The following SEMA3D variants were observed in gnomAD, a reference collection of about 807,000 sequenced individuals.
SEMA3D encodes the protein semaphorin 3D, also known as semaphorin-3D.
SEMA3D carries 84 observed loss-of-function variants against 100.1 expected under a neutral mutation model. That is an observed-to-expected ratio of 0.84 (90% CI 0.70 to 1.01). The LOEUF (loss-of-function observed/expected upper bound fraction) is 1.01. SEMA3D is among the 50% of genes least tolerant of loss of function. SEMA3D has a pLI of 0.00. For synonymous variants in SEMA3D, 312 were observed against 320.7 expected (o/e 0.97, Z 0.29); for missense variants, 875 against 934.1 (o/e 0.94, Z 0.82).
chr7:85,227,594 A>G, the SEMA3D span, among the ~76,000 whole-genome samples: 1 of 152,184 alleles, frequency 6.6e-6, no homozygotes, highest in East Asian at 1.9e-4. Context: ...GTATTTTGTT[A>G]TAGCAGCACA....
rs140781160 is a variant in SEMA3D at position 85,009,903 on chromosome 7, C to T, written c.1768+2879G>A. ...GGACGAATATGAAATTCACTGCCCTCTAGAAATTTACATTCTAGTGACATA... is the reference window on the plus strand; with the variant it reads ...GGACGAATATGAAATTCACTGCCCTTTAGAAATTTACATTCTAGTGACATA... On this transcript the variant is annotated intron_variant, in intron 17 of 18. Transcript: ENST00000284136. Among the ~76,000 whole-genome samples the T allele has an allele frequency of 6.6e-3, 999 of 151,450 alleles. 12 individuals are homozygous for T. The highest frequency in any genetic ancestry group is 0.023 in the African/African-American group (949 of 41,328).
chr7:85,211,899 T>G, the SEMA3D span, among the ~76,000 whole-genome samples: 13 of 152,258 alleles, frequency 8.5e-5, no homozygotes, highest in African/African-American at 3.1e-4. Flanking sequence ...ATATAATACA[T>G]AAAACACACA....
chr7:85,206,403 C>T, the SEMA3D span, among the ~76,000 whole-genome samples: 1 of 152,112 alleles, frequency 6.6e-6, no homozygotes, highest in African/African-American at 2.4e-5. Flanking sequence ...AATTTTCTTT[C>T]AGGACAATCC....
At chr7:85,170,590 A>G (rs1291498336) in intron 1 of SEMA3D, among the ~76,000 whole-genome samples, 1 of 152,014 alleles carries the variant, frequency 6.6e-6, no homozygotes, top group African/African-American at 2.4e-5. Context: ...AAAGTCTGAC[A>G]TAATAGTCTA....
At chr7:85,023,266 G>C (rs556547001) in intron 12 of SEMA3D, among the ~76,000 whole-genome samples, 2 of 151,728 alleles carry the variant, frequency 1.3e-5, no homozygotes, top group South Asian at 4.1e-4. Context: ...AGCATGACCT[G>C]CCCCCTGGTG....
rs1789483166 is a variant in SEMA3D at position 85,123,406 on chromosome 7, A to G, written c.-40-1475T>C. 2.0e-5 allele frequency among the ~76,000 whole-genome samples: 3 copies of G among 152,154 alleles called. No individual in the cohort carries two copies. In the South Asian group the frequency reaches 6.2e-4, roughly 31 times the overall value. On this transcript the variant is annotated intron_variant, in intron 2 of 18. Transcript: ENST00000284136. ...AATTTTGTAATTAGTTAACATTCAA[A>G]ATAAATATTTTATGCCTATATTGTT... is the stretch of plus-strand genomic sequence containing the variant.
At chr7:85,225,047 C>CTT in the SEMA3D span, among the ~76,000 whole-genome samples, 18 of 83,448 alleles carry the variant, frequency 2.2e-4, no homozygotes, top group Middle Eastern at 8.5e-3. Context: ...TCCTGATTTT[C>CTT]TTTTATATAT....
In SEMA3D at chr7:85,149,413, G is replaced by A. The variant is rs534601377; in HGVS notation, c.-41+4195C>T. On this transcript the variant is annotated intron_variant, in intron 2 of 18. Transcript: ENST00000284136. Reference sequence around the variant, plus strand: ...CAGTGAGCCAAGATCGTGTCACTGCGTTCCAGCCTGGATGACAGAGCAAGA... The same window carrying A: ...CAGTGAGCCAAGATCGTGTCACTGCATTCCAGCCTGGATGACAGAGCAAGA... Among the ~76,000 whole-genome samples the A allele has an allele frequency of 3.6e-4, 55 of 152,058 alleles. 1 individual carries two copies. The South Asian group carries it at 0.011, about 30-fold the overall frequency.
intron 12 of SEMA3D, among the ~76,000 whole-genome samples, chr7:85,032,592 A>C (rs1460992344): frequency 6.6e-6 from 1 of 152,098 alleles, no homozygotes; most frequent in Non-Finnish European, 1.5e-5. Flanking sequence ...TCACTATACT[A>C]ACACAAAATC....
intron 1 of SEMA3D, among the ~76,000 whole-genome samples, chr7:85,154,994 GT>G (rs1217012431): frequency 6.6e-6 from 1 of 152,078 alleles, no homozygotes; most frequent in Non-Finnish European, 1.5e-5. Flanking sequence ...CATCTCCACA[GT>G]TTTTCAAATT....
chr7:85,136,161 G>A (rs531841142), intron 2 of SEMA3D, among the ~76,000 whole-genome samples: 3 of 152,102 alleles, frequency 2.0e-5, no homozygotes, highest in Admixed American at 6.6e-5. Context: ...TAGTGCATGC[G>A]TGTGTCCTTT....
intron 2 of SEMA3D, among the ~76,000 whole-genome samples, chr7:85,128,793 T>C (rs1299304588): frequency 6.6e-6 from 1 of 151,500 alleles, no homozygotes; most frequent in Non-Finnish European, 1.5e-5. Context: ...AGTGGCTCCA[T>C]GGTCTCTGTA....
intron 2 of SEMA3D, among the ~76,000 whole-genome samples, chr7:85,128,453 GC>G: frequency 1.3e-5 from 2 of 152,076 alleles, no homozygotes; most frequent in Non-Finnish European, 2.9e-5. Flanking sequence ...ACAGGCATCA[GC>G]CACTGCACTG....
the SEMA3D span, among the ~76,000 whole-genome samples, chr7:85,231,549 C>T: frequency 1.4e-5 from 2 of 148,104 alleles, no homozygotes; most frequent in African/African-American, 2.5e-5. Flanking sequence ...CTCCCGGGTT[C>T]ACGCCATTCT....
intron 1 of SEMA3D, among the ~76,000 whole-genome samples, chr7:85,183,743 T>C (rs1311254812): frequency 6.6e-6 from 1 of 152,244 alleles, no homozygotes; most frequent in African/African-American, 2.4e-5. Context: ...TTGATGATAG[T>C]TTCCCGATAA....
At chr7:85,242,190 T>A in the SEMA3D span, among the ~76,000 whole-genome samples, 1 of 152,156 alleles carries the variant, frequency 6.6e-6, no homozygotes, top group African/African-American at 2.4e-5. Context: ...CATTTCTAAC[T>A]TTTATTATTT....
intron 18 of SEMA3D, among the ~76,000 whole-genome samples, chr7:85,003,700 T>C (rs1264749875): frequency 6.6e-6 from 1 of 152,014 alleles, no homozygotes; most frequent in Non-Finnish European, 1.5e-5. Context: ...AAGTAAGCAA[T>C]GACAGACAAG....
At chr7:85,027,367 A>G (rs1376255806) in intron 12 of SEMA3D, among the ~76,000 whole-genome samples, 6 of 152,020 alleles carry the variant, frequency 3.9e-5, no homozygotes, top group Non-Finnish European at 8.8e-5. Context: ...GGGGAACAAT[A>G]AAGGCCCTAC....
rs1000331132 is a variant in SEMA3D, at chr7:85,146,516, T to C, written c.-41+7092A>G. Among the ~76,000 whole-genome samples, 3 of 151,618 alleles carry C rather than the reference T, an allele frequency of 2.0e-5. No homozygotes were observed. In the South Asian group the frequency reaches 6.2e-4, roughly 32 times the overall value. The stretch of plus-strand genomic sequence containing the variant: ...TTGCATTGAGCCAAGATTGGGCCAC[T>C]GCACTCCAGCCTGGGTGACAGAGTG... On this transcript the variant is annotated intron_variant, in intron 2 of 18. Coordinates refer to ENST00000284136, the MANE Select transcript of SEMA3D (RefSeq NM_001384900.1).
Sources: gnomAD v4.1 joint callset for allele counts (sites outside exome capture counted in the v4.1 genomes callset) on GRCh38, gnomAD v4.1.1 for gene constraint, MANE v1.5 for transcripts, NCBI Gene and HGNC (gene_info 2026-07-23, HGNC 2026-07-21) for gene names.